The following CTNNA3 variants were observed in gnomAD, a reference collection of about 807,000 sequenced individuals.
CTNNA3 encodes the protein catenin alpha-3.
A neutral mutation model predicts 95.7 loss-of-function variants in CTNNA3; 76 were observed. The observed-to-expected ratio is 0.79, with a 90% CI of 0.66 to 0.96. CTNNA3 has a LOEUF of 0.96. Ranked by LOEUF, CTNNA3 falls within the 40% of genes least tolerant of loss-of-function variation. The pLI, the probability that CTNNA3 is intolerant of heterozygous loss-of-function variation, is 0.00. For synonymous variants in CTNNA3, 431 were observed against 374.4 expected (o/e 1.15, Z -1.74); for missense variants, 1,191 against 1,089.8 (o/e 1.09, Z -1.31).
chr10:66,601,942 A>C (rs936285006), intron 10 of CTNNA3, among the ~76,000 whole-genome samples: 7 of 151,918 alleles, frequency 4.6e-5, no homozygotes, highest in African/African-American at 1.4e-4. Context: ...CTTCTTGAAA[A>C]GAAATACAGA....
At chr10:67,649,050 A>G (rs1020573370) in intron 1 of CTNNA3, among the ~76,000 whole-genome samples, 1 of 152,212 alleles carries the variant, frequency 6.6e-6, no homozygotes, top group Non-Finnish European at 1.5e-5. Flanking sequence ...GTGCAATAGG[A>G]TATGTCCTTC....
rs1173096450 is a variant in CTNNA3, at chr10:67,180,312, C to T, written c.1047+5G>A. 1 of 1,612,806 alleles carries T rather than the reference C, an allele frequency of 6.2e-7. No individual in the cohort carries two copies. The highest frequency in any genetic ancestry group is 1.1e-5 in the South Asian group (1 of 91,070). ...TAGGGATGGGAAGGCAAACCAGTCA[C>T]CTACGTTGTTCATGTACTCTGAAAG... is the stretch of plus-strand genomic sequence containing the variant. On this transcript the variant is annotated splice_donor_5th_base_variant and intron_variant, in intron 7 of 17. Transcript: ENST00000433211.
intron 16 of CTNNA3, among the ~76,000 whole-genome samples, chr10:65,982,130 A>G (rs1417987658): frequency 6.6e-6 from 1 of 151,860 alleles, no homozygotes; most frequent in Admixed American, 6.6e-5. Flanking sequence ...AGAATCTCCA[A>G]ATAACTCAAA....
intron 11 of CTNNA3, among the ~76,000 whole-genome samples, chr10:66,465,474 A>G (rs763604398): frequency 1.3e-5 from 2 of 152,186 alleles, no homozygotes; most frequent in Non-Finnish European, 2.9e-5. Context: ...AAGTCCCATT[A>G]GGATACATTG....
intron 11 of CTNNA3, among the ~76,000 whole-genome samples, chr10:66,466,240 G>A (rs1379226569): frequency 2.0e-5 from 3 of 151,534 alleles, no homozygotes; most frequent in Non-Finnish European, 2.9e-5. Context: ...CATATTCTGG[G>A]CTTGCCAGTC....
chr10:67,674,663 T>C (rs951656793), intron 1 of CTNNA3, among the ~76,000 whole-genome samples: 4 of 152,182 alleles, frequency 2.6e-5, no homozygotes, highest in Non-Finnish European at 5.9e-5. Flanking sequence ...CACATCACTA[T>C]TGTTTTGATT....
intron 13 of CTNNA3, among the ~76,000 whole-genome samples, chr10:66,229,503 G>T (rs535618917): frequency 6.6e-6 from 1 of 151,788 alleles, no homozygotes; most frequent in Non-Finnish European, 1.5e-5. Flanking sequence ...TAATATTCTC[G>T]TCTCACAGGT....
intron 12 of CTNNA3, among the ~76,000 whole-genome samples, chr10:66,367,932 T>C (rs1288176136): frequency 6.8e-6 from 1 of 146,832 alleles, no homozygotes. Flanking sequence ...TATTATTTTC[T>C]GGGAGCCCGC....
rs1375001001 is a variant in CTNNA3, at chr10:66,360,686, C to T, written c.1732+18466G>A. Among the ~76,000 whole-genome samples the T allele has an allele frequency of 5.7e-4, 25 of 44,006 alleles. 2 individuals are homozygous for T. The highest frequency in any genetic ancestry group is 0.013 in the Middle Eastern group (1 of 78). 28.9% of individuals were successfully genotyped at this position (44,006 alleles called of 152,430 possible). On this transcript the variant is annotated intron_variant, in intron 12 of 17. Transcript: ENST00000433211. ...TCCTTCCTTCCTTCCTTCCTTCCTT[C>T]CTTCCTTTTCTTTCTTTCTTTCCTC...
At chr10:67,203,307 C>T (rs188613682) in intron 6 of CTNNA3, among the ~76,000 whole-genome samples, 12 of 152,296 alleles carry the variant, frequency 7.9e-5, no homozygotes, top group Admixed American at 1.3e-4. Flanking sequence ...CCCGTGAACA[C>T]GCTCTCTTGC....
At chr10:67,759,361 A>C (rs1841450391) in intron 1 of CTNNA3, among the ~76,000 whole-genome samples, 1 of 152,222 alleles carries the variant, frequency 6.6e-6, no homozygotes, top group Non-Finnish European at 1.5e-5. Flanking sequence ...AAAGCCTCTA[A>C]AACTCTGCAG....
At chr10:67,155,455 A>G (rs7894691) in intron 7 of CTNNA3, among the ~76,000 whole-genome samples, 95,807 of 151,646 alleles carry the variant, frequency 0.63, 31,459 homozygotes, top group African/African-American at 0.82. Flanking sequence ...AATAATTACC[A>G]AGATATAATG....
intron 15 of CTNNA3, among the ~76,000 whole-genome samples, chr10:66,048,194 C>A (rs1258114432): frequency 2.0e-5 from 3 of 152,132 alleles, no homozygotes; most frequent in Non-Finnish European, 4.4e-5. Flanking sequence ...AAGAGCAAAG[C>A]TGGAGGCATG....
chr10:66,788,955 T>A (rs934275134), intron 7 of CTNNA3, among the ~76,000 whole-genome samples: 35 of 152,170 alleles, frequency 2.3e-4, no homozygotes, highest in African/African-American at 8.0e-4. Context: ...AATTGCAGAT[T>A]GGGAGATAGG....
At chr10:67,680,260 A>C (rs1840602644) in intron 1 of CTNNA3, among the ~76,000 whole-genome samples, 1 of 152,198 alleles carries the variant, frequency 6.6e-6, no homozygotes, top group African/African-American at 2.4e-5. Flanking sequence ...CAAGTGAAGG[A>C]AAATCACTGG....
intron 12 of CTNNA3, among the ~76,000 whole-genome samples, chr10:66,363,032 G>T (rs2092687675): frequency 1.3e-5 from 2 of 151,940 alleles, no homozygotes; most frequent in Admixed American, 6.6e-5. Context: ...TTTTCTTTTG[G>T]TATAAAATAC....
At chr10:67,380,704 T>A (rs552325491) in intron 5 of CTNNA3, among the ~76,000 whole-genome samples, 38 of 152,272 alleles carry the variant, frequency 2.5e-4, no homozygotes, top group South Asian at 6.2e-4. Flanking sequence ...ACAGTAGGAA[T>A]ACAAAAGAAG....
intron 11 of CTNNA3, among the ~76,000 whole-genome samples, chr10:66,385,425 G>A (rs1250234630): frequency 6.6e-6 from 1 of 152,058 alleles, no homozygotes; most frequent in East Asian, 1.9e-4. Flanking sequence ...TCAATAACAG[G>A]CTCTGAAATT....
rs558898645 is a variant in CTNNA3 at position 65,959,029 on chromosome 10, G to A, written c.2400+7583C>T. ...AGGCAGGCAGGCTTCCTTGAGCTGC[G>A]GTGGGCTCCACCCAGTTTGAGCTTC... On this transcript the variant is annotated intron_variant, in intron 17 of 17. Transcript: ENST00000433211. Among the ~76,000 whole-genome samples the A allele has an allele frequency of 7.0e-4, 106 of 152,250 alleles. 3 individuals carry two copies. Among genetic ancestry groups the A allele is most frequent in the Admixed American group, 5.2e-3 (79 of 15,304 alleles).
Sources: gnomAD v4.1 joint callset for allele counts (sites outside exome capture counted in the v4.1 genomes callset) on GRCh38, gnomAD v4.1.1 for gene constraint, MANE v1.5 for transcripts, NCBI Gene and HGNC (gene_info 2026-07-23, HGNC 2026-07-21) for gene names.